Variants in RHOBTB3 observed in about 807,000 individuals in gnomAD.
The protein encoded by RHOBTB3 is Rho related BTB domain containing 3, also known as rho-related BTB domain-containing protein 3.
A neutral mutation model predicts 67.2 loss-of-function variants in RHOBTB3; 47 were observed. The ratio of observed to expected loss-of-function variants is 0.70; its 90% confidence interval spans 0.55 to 0.89. The LOEUF (loss-of-function observed/expected upper bound fraction) is 0.89. RHOBTB3 is among the 40% of genes least tolerant of loss of function. The pLI, the probability that RHOBTB3 is intolerant of heterozygous loss-of-function variation, is 0.00. For missense variants in RHOBTB3, 631 were observed against 750.0 expected (o/e 0.84, Z 1.85); for synonymous variants, 273 against 274.2 (o/e 1.00, Z 0.04).
intron 9 of RHOBTB3, chr5:95,781,215 G>A (rs1746036680): frequency 6.6e-6 from 1 of 152,150 alleles, no homozygotes; most frequent in Non-Finnish European, 1.5e-5. Flanking sequence ...TTGGCCACCA[G>A]ATGGCTCCCA....
chr5:95,763,982 A>T (rs1485620142), intron 7 of RHOBTB3, among the ~76,000 whole-genome samples: 1 of 151,908 alleles, frequency 6.6e-6, no homozygotes. Flanking sequence ...GCTAATTTTT[A>T]AATTTTTTGT....
Position 95,755,423 on chromosome 5 carries a change from C to T in RHOBTB3, c.710C>T (p.Ala237Val), listed in dbSNP as rs763502813. 1.8e-5 allele frequency: 28 copies of T among 1,579,182 alleles called. No individual in the cohort carries two copies. The East Asian group carries it at 2.0e-4, about 11-fold the overall frequency. The part of the protein sequence containing the change: ...PEKMPVLKAE[A>V]SHYNSDLNNL... The stretch of plus-strand genomic sequence containing the variant: ...AAAATGCCTGTCTTAAAGGCTGAAG[C>T]GTCACATTATAACTCTGACTTAAAT... The change falls in exon 6 of 12, where the codon GCG becomes GTG. Residue 237 changes from alanine (A) to valine (V), a missense_variant. Ala to Val is a moderately conservative substitution (Grantham distance 64). Coordinates refer to ENST00000379982, the MANE Select transcript of RHOBTB3 (RefSeq NM_014899.4).
chr5:95,763,724 TA>T (rs1200702584), intron 7 of RHOBTB3, 104 bp downstream of exon 7: 1 of 633,866 alleles, frequency 1.6e-6, no homozygotes, highest in East Asian at 2.7e-5. Context: ...AAATACTGTA[TA>T]AATGTAAATG....
intron 8 of RHOBTB3, among the ~76,000 whole-genome samples, chr5:95,773,464 TAGGC>T (rs1418052649): frequency 6.6e-6 from 1 of 152,172 alleles, no homozygotes; most frequent in Non-Finnish European, 1.5e-5. Context: ...AGGGGAGCTG[TAGGC>T]AGCAGCAGCA....
upstream of RHOBTB3, chr5:95,730,864 CG>C (rs1263547163): frequency 6.6e-6 from 3 of 455,528 alleles, no homozygotes; most frequent in South Asian, 4.6e-5. Flanking sequence ...ACAGCTGTAG[CG>C]CATGTTGACA....
At chr5:95,748,599 A>G in intron 4 of RHOBTB3, 112 bp downstream of exon 4, 1 of 679,964 alleles carries the variant, frequency 1.5e-6, no homozygotes, top group Non-Finnish European at 2.3e-6. Flanking sequence ...GTCTTACTTA[A>G]CCTTGAGAAA....
upstream of RHOBTB3, among the ~76,000 whole-genome samples, chr5:95,729,521 G>A (rs547718970): frequency 6.6e-6 from 1 of 152,194 alleles, no homozygotes; most frequent in East Asian, 1.9e-4. Flanking sequence ...ATGTTCTAGT[G>A]TTCAGTACAC....
Position 95,748,471 on chromosome 5 carries a change from A to G in RHOBTB3, c.554A>G (p.Lys185Arg). The G allele has an allele frequency of 6.2e-7, 1 of 1,609,700 alleles. No homozygotes were observed. The highest frequency in any genetic ancestry group is 1.3e-5 in the African/African-American group (1 of 74,930). The change falls in exon 4 of 12, where the codon AAG becomes AGG. Residue 185 changes from lysine to arginine, a missense_variant. Transcript: ENST00000379982. ...LHSLDDFYIG[K>R]YFGGVLEYFM... ...AGCCTTGATGACTTCTACATAGGAAAGTATTTTGGAGGAGTGGTAAGTGGA... is the reference window on the plus strand; with the variant it reads ...AGCCTTGATGACTTCTACATAGGAAGGTATTTTGGAGGAGTGGTAAGTGGA...
chr5:95,789,281 T>C (rs1165406695), intron 11 of RHOBTB3: 2 of 160,530 alleles, frequency 1.2e-5, no homozygotes, highest in Admixed American at 6.5e-5. Context: ...TATTTAGCTT[T>C]ATTGTACTGG....
chr5:95,758,670 G>A (rs1745314617), intron 6 of RHOBTB3, among the ~76,000 whole-genome samples: 1 of 152,224 alleles, frequency 6.6e-6, no homozygotes, highest in Non-Finnish European at 1.5e-5. Context: ...TTCAGACAGT[G>A]GGTGGCCCTG....
intron 1 of RHOBTB3, among the ~76,000 whole-genome samples, chr5:95,720,756 T>A (rs554177403): frequency 6.6e-6 from 1 of 152,310 alleles, no homozygotes; most frequent in African/African-American, 2.4e-5. Flanking sequence ...ACTTTTCCCA[T>A]GATTCTGAAG....
intron 7 of RHOBTB3, 177 bp from the exon 8 acceptor site, chr5:95,767,869 G>A (rs745980133): frequency 3.3e-5 from 24 of 721,378 alleles, no homozygotes; most frequent in Admixed American, 8.0e-5. Flanking sequence ...TCACTGACAG[G>A]CAGCCCATAC....
At chr5:95,734,069 G>A (rs1004115753) in intron 2 of RHOBTB3, among the ~76,000 whole-genome samples, 2 of 152,124 alleles carry the variant, frequency 1.3e-5, no homozygotes, top group African/African-American at 4.8e-5. Flanking sequence ...TATAGAGGCT[G>A]GCATTTAGTA....
chr5:95,769,340 C>T, intron 8 of RHOBTB3: 1 of 475,032 alleles, frequency 2.1e-6, no homozygotes, highest in Non-Finnish European at 4.2e-6. Context: ...GGGATGGCAC[C>T]ACCACTGCTA....
chr5:95,791,418 G>A (rs1277729810), intron 11 of RHOBTB3, among the ~76,000 whole-genome samples: 1 of 152,074 alleles, frequency 6.6e-6, no homozygotes, highest in African/African-American at 2.4e-5. Flanking sequence ...TGTGTTATGG[G>A]GTTTTGTTTG....
intron 6 of RHOBTB3, among the ~76,000 whole-genome samples, chr5:95,761,445 C>T (rs548013266): frequency 2.0e-5 from 3 of 150,386 alleles, no homozygotes; most frequent in African/African-American, 4.9e-5. Context: ...TGGGTTCAAG[C>T]GATTCTCCTG....
At chr5:95,790,675 C>A (rs1194533736) in intron 11 of RHOBTB3, among the ~76,000 whole-genome samples, 9 of 152,200 alleles carry the variant, frequency 5.9e-5, no homozygotes, top group Non-Finnish European at 4.4e-5. Context: ...ATCATGAGAA[C>A]TCTCATTCTG....
At chr5:95,733,361 A>G (rs564219640) in intron 2 of RHOBTB3, among the ~76,000 whole-genome samples, 101 of 152,324 alleles carry the variant, frequency 6.6e-4, no homozygotes, top group African/African-American at 2.2e-3. Context: ...TACAGCCTAA[A>G]AACATGACGG....
At chr5:95,761,890 C>G (rs1157199316) in intron 6 of RHOBTB3, among the ~76,000 whole-genome samples, 1 of 152,192 alleles carries the variant, frequency 6.6e-6, no homozygotes, top group Non-Finnish European at 1.5e-5. Context: ...TCTGGTCATA[C>G]AATCCCAAGA....
Sources: gnomAD v4.1 joint callset for allele counts (sites outside exome capture counted in the v4.1 genomes callset) on GRCh38, gnomAD v4.1.1 for gene constraint, MANE v1.5 for transcripts, NCBI Gene and HGNC (gene_info 2026-07-23, HGNC 2026-07-21) for gene names.